Variants in LRRC4C observed in about 807,000 individuals in gnomAD.
LRRC4C encodes leucine rich repeat containing 4C.
In LRRC4C, 5 loss-of-function variants were observed where a neutral mutation model predicts 33.6. The observed-to-expected ratio is 0.15, with a 90% CI of 0.08 to 0.31. The LOEUF (loss-of-function observed/expected upper bound fraction) is 0.31, where lower values mean the gene tolerates loss of function less well. Ranked by LOEUF, LRRC4C falls within the 10% of genes least tolerant of loss-of-function variation. The pLI, the probability that LRRC4C is intolerant of heterozygous loss-of-function variation, is 1.00. For synonymous variants in LRRC4C, 329 were observed against 302.0 expected, an observed-to-expected ratio of 1.09 and a Z score of -0.93; for missense variants, 560 against 796.7, an observed-to-expected ratio of 0.70 and a Z score of 3.58.
In LRRC4C at chr11:40,330,774, C is replaced by G. The variant is rs563125953; in HGVS notation, c.-269-11053G>C. Reference sequence around the variant, plus strand: ...TTCAGTTACCTCCCACTGGGTCCCTCCCATGACATGTGGGGATTATGGGAA... The same window carrying G: ...TTCAGTTACCTCCCACTGGGTCCCTGCCATGACATGTGGGGATTATGGGAA... On this transcript the variant is annotated intron_variant, in intron 3 of 6. Coordinates refer to ENST00000528697, the MANE Select transcript of LRRC4C (RefSeq NM_001258419.2). Among the ~76,000 whole-genome samples, 3 of 152,256 alleles carry G rather than the reference C, an allele frequency of 2.0e-5. No individual in the cohort carries two copies. In the South Asian group the frequency reaches 6.2e-4, roughly 32 times the overall value.
chr11:40,116,784 C>A (rs1386434575), intron 6 of LRRC4C, among the ~76,000 whole-genome samples: 1 of 152,180 alleles, frequency 6.6e-6, no homozygotes, highest in Admixed American at 6.5e-5. Context: ...ATGTGCCAAG[C>A]ACCATGGGCT....
chr11:40,979,710 T>G (rs981002437), intron 1 of LRRC4C, among the ~76,000 whole-genome samples: 3 of 152,138 alleles, frequency 2.0e-5, no homozygotes, highest in Non-Finnish European at 4.4e-5. Context: ...TAAACGAAAA[T>G]TTTCTATCTT....
chr11:40,639,297 C>T (rs2136076391), intron 3 of LRRC4C, among the ~76,000 whole-genome samples: 1 of 152,240 alleles, frequency 6.6e-6, no homozygotes, highest in Non-Finnish European at 1.5e-5. Context: ...ATACTGAAGC[C>T]CCCTTGCACT....
At chr11:40,223,663 T>G (rs1217673797) in intron 5 of LRRC4C, among the ~76,000 whole-genome samples, 1 of 152,182 alleles carries the variant, frequency 6.6e-6, no homozygotes, top group South Asian at 2.1e-4. Context: ...GGACAATCAT[T>G]AGTGCACACA....
At chr11:41,177,181 T>C (rs1360828039) in intron 1 of LRRC4C, among the ~76,000 whole-genome samples, 1 of 152,076 alleles carries the variant, frequency 6.6e-6, no homozygotes, top group Non-Finnish European at 1.5e-5. Context: ...ATATTTGACT[T>C]ATAACAGAGG....
Position 40,152,930 on chromosome 11 carries a change from A to G in LRRC4C, c.-95-12077T>C, listed in dbSNP as rs140994554. Among the ~76,000 whole-genome samples the G allele has an allele frequency of 6.8e-3, 1,037 of 152,108 alleles. 7 individuals carry two copies. The highest frequency in any genetic ancestry group is 0.014 in the Middle Eastern group (4 of 294). On this transcript the variant is annotated intron_variant, in intron 5 of 6. Coordinates refer to ENST00000528697, the MANE Select transcript of LRRC4C (RefSeq NM_001258419.2). Reference sequence around the variant, plus strand: ...CTGTCCACTACCTGTCCCTCTCCACACTACCACAGCTGCTGCTTTCTGGAA... The same window carrying G: ...CTGTCCACTACCTGTCCCTCTCCACGCTACCACAGCTGCTGCTTTCTGGAA...
At chr11:40,875,850 A>G (rs1954859787) in intron 2 of LRRC4C, among the ~76,000 whole-genome samples, 1 of 152,112 alleles carries the variant, frequency 6.6e-6, no homozygotes, top group African/African-American at 2.4e-5. Flanking sequence ...TATATATGAA[A>G]TGTTATACAA....
chr11:40,769,048 T>A (rs1464315268), intron 2 of LRRC4C, among the ~76,000 whole-genome samples: 2 of 152,082 alleles, frequency 1.3e-5, no homozygotes, highest in Non-Finnish European at 2.9e-5. Flanking sequence ...AAATTATCGT[T>A]GTTTGTGAAT....
chr11:40,167,074 C>T (rs1859655867), intron 5 of LRRC4C, among the ~76,000 whole-genome samples: 1 of 152,126 alleles, frequency 6.6e-6, no homozygotes, highest in Non-Finnish European at 1.5e-5. Flanking sequence ...TAAAGCACTT[C>T]CAATGTATAT....
chr11:41,397,811 G>A (rs976445477), intron 1 of LRRC4C, among the ~76,000 whole-genome samples: 1 of 151,766 alleles, frequency 6.6e-6, no homozygotes, highest in Non-Finnish European at 1.5e-5. Context: ...CTCTAGAGAG[G>A]TAGTGATATG....
chr11:41,174,284 C>G (rs1433238723), intron 1 of LRRC4C, among the ~76,000 whole-genome samples: 1 of 151,960 alleles, frequency 6.6e-6, no homozygotes, highest in Non-Finnish European at 1.5e-5. Context: ...ATGGAGAGAA[C>G]AGTTTATCTC....
intron 4 of LRRC4C, among the ~76,000 whole-genome samples, chr11:40,308,255 T>A (rs887973480): frequency 3.3e-5 from 5 of 152,296 alleles, no homozygotes; most frequent in Middle Eastern, 3.4e-3. Context: ...CCCAGAGAGT[T>A]TGAAATCTAG....
intron 1 of LRRC4C, among the ~76,000 whole-genome samples, chr11:41,150,516 G>C (rs954965048): frequency 6.6e-6 from 1 of 151,994 alleles, no homozygotes; most frequent in Non-Finnish European, 1.5e-5. Flanking sequence ...ATTTTGCCAG[G>C]CGCGGTGGCT....
In LRRC4C at chr11:41,021,196, AGAGAGAGAGAGAGAGAGAGTGT is replaced by A. The variant is rs1333755195; in HGVS notation, c.-495-87495_-495-87474del. ...GAGAGAGAGAGAGAGAGAGAGAGAG[AGAGAGAGAGAGAGAGAGAGTGT>A]GTGTGTGTGTGTGTTTAAGAAAATT... On this transcript the variant is annotated intron_variant, in intron 1 of 6. Coordinates refer to ENST00000528697, the MANE Select transcript of LRRC4C (RefSeq NM_001258419.2). Among the ~76,000 whole-genome samples, 440 of 55,760 alleles carry A rather than the reference AGAGAGAGAGAGAGAGAGAGTGT, an allele frequency of 7.9e-3. 5 individuals carry two copies. The highest frequency in any genetic ancestry group is 0.027 in the African/African-American group (413 of 15,202). 36.6% of individuals were successfully genotyped at this position (55,760 alleles called of 152,430 possible).
chr11:41,092,234 C>T (rs1049221584), intron 1 of LRRC4C, among the ~76,000 whole-genome samples: 3 of 151,838 alleles, frequency 2.0e-5, no homozygotes, highest in African/African-American at 7.3e-5. Context: ...TAATCTCACT[C>T]ACTGTTCTTT....
intron 2 of LRRC4C, among the ~76,000 whole-genome samples, chr11:40,682,332 A>G (rs1405306145): frequency 2.0e-5 from 3 of 152,040 alleles, no homozygotes; most frequent in Admixed American, 2.0e-4. Context: ...AAAGTATTCA[A>G]TAGTTACTAA....
intron 1 of LRRC4C, among the ~76,000 whole-genome samples, chr11:41,340,447 T>A (rs78777940): frequency 0.076 from 11,502 of 152,266 alleles, 577 homozygotes; most frequent in South Asian, 0.18. Context: ...AAAGTCTTAA[T>A]CGGAAGTTAA....
At chr11:40,265,288 T>C (rs1452282630) in intron 4 of LRRC4C, among the ~76,000 whole-genome samples, 2 of 152,246 alleles carry the variant, frequency 1.3e-5, no homozygotes, top group African/African-American at 4.8e-5. Flanking sequence ...TTGCTTTGCC[T>C]TGTGCATTTA....
intron 1 of LRRC4C, among the ~76,000 whole-genome samples, chr11:41,327,889 AT>A (rs1483092343): frequency 9.2e-5 from 14 of 152,192 alleles, no homozygotes. Flanking sequence ...CTCCCCAGCC[AT>A]GATGAAATGT....
Sources: gnomAD v4.1 joint callset for allele counts (sites outside exome capture counted in the v4.1 genomes callset) on GRCh38, gnomAD v4.1.1 for gene constraint, MANE v1.5 for transcripts, NCBI Gene and HGNC (gene_info 2026-07-23, HGNC 2026-07-21) for gene names.